Variants in TFEC observed in about 807,000 individuals in gnomAD.
TFEC encodes class E basic helix-loop-helix protein 34.
Under a neutral mutation model 41.6 loss-of-function variants are expected in TFEC, and 31 were observed. The observed-to-expected ratio is 0.74, with a 90% confidence interval of 0.56 to 1.01. TFEC has a LOEUF of 1.01. Among genes scored for constraint, TFEC ranks in the 50% least tolerant of loss-of-function variants. The pLI, the probability that TFEC is intolerant of heterozygous loss-of-function variation, is 0.00. For synonymous variants in TFEC, 143 were observed against 140.6 expected (o/e 1.02, Z -0.12); for missense variants, 402 against 404.1 (o/e 0.99, Z 0.04).
At chr7:116,047,963 G>T (rs746936176) in intron 3 of TFEC, among the ~76,000 whole-genome samples, 1 of 152,118 alleles carries the variant, frequency 6.6e-6, no homozygotes, top group East Asian at 1.9e-4. Flanking sequence ...AAGGACATCC[G>T]CACCAAAACC....
chr7:116,081,013 G>A (rs968114809), intron 3 of TFEC, among the ~76,000 whole-genome samples: 3 of 148,996 alleles, frequency 2.0e-5, no homozygotes, highest in African/African-American at 7.4e-5. Context: ...GTGTGTGTGT[G>A]TGTATAAATA....
At chr7:116,128,374 C>T (rs1185065346) in intron 1 of TFEC, among the ~76,000 whole-genome samples, 1 of 152,088 alleles carries the variant, frequency 6.6e-6, no homozygotes, top group Non-Finnish European at 1.5e-5. Flanking sequence ...TAAGCTGACA[C>T]TCCACGGTGA....
At chr7:116,062,737 A>C (rs759942673) in intron 3 of TFEC, among the ~76,000 whole-genome samples, 2 of 151,618 alleles carry the variant, frequency 1.3e-5, no homozygotes, top group Non-Finnish European at 3.0e-5. Flanking sequence ...GTAGACACCT[A>C]ATAGTGGGAT....
chr7:116,056,987 G>A (rs978433855), intron 3 of TFEC, among the ~76,000 whole-genome samples: 1 of 151,942 alleles, frequency 6.6e-6, no homozygotes, highest in African/African-American at 2.4e-5. Flanking sequence ...GACTCAAATT[G>A]AACTTCTAAA....
At chr7:116,044,933 G>A (rs1055839238) in intron 3 of TFEC, among the ~76,000 whole-genome samples, 1 of 152,194 alleles carries the variant, frequency 6.6e-6, no homozygotes, top group Non-Finnish European at 1.5e-5. Context: ...GTTACGTAAG[G>A]AATGATGTGG....
At chr7:115,966,391 G>C (rs1019060795) in intron 3 of TFEC, among the ~76,000 whole-genome samples, 1 of 151,728 alleles carries the variant, frequency 6.6e-6, no homozygotes, top group Non-Finnish European at 1.5e-5. Context: ...TAAAATACAA[G>C]CATGATCCTA....
chr7:115,971,871 T>A (rs1006454653), intron 3 of TFEC, among the ~76,000 whole-genome samples: 1 of 152,064 alleles, frequency 6.6e-6, no homozygotes, highest in Non-Finnish European at 1.5e-5. Context: ...GATGCCCACA[T>A]ACAATATTAC....
At chr7:115,966,322 A>G (rs1166914287) in intron 3 of TFEC, among the ~76,000 whole-genome samples, 4 of 151,732 alleles carry the variant, frequency 2.6e-5, no homozygotes, top group African/African-American at 7.2e-5. Flanking sequence ...GTGAGGGGGA[A>G]GAATGTTACT....
intron 1 of TFEC, among the ~76,000 whole-genome samples, chr7:116,028,079 A>G (rs1242331593): frequency 6.6e-6 from 1 of 152,132 alleles, no homozygotes; most frequent in African/African-American, 2.4e-5. Flanking sequence ...GAGATTCTAC[A>G]TCTCTATCTT....
At chr7:115,973,156 A>G (rs1490179871) in intron 3 of TFEC, among the ~76,000 whole-genome samples, 1 of 152,038 alleles carries the variant, frequency 6.6e-6, no homozygotes, top group Non-Finnish European at 1.5e-5. Flanking sequence ...TAGCAGGTAG[A>G]GTTAGTACTG....
intron 1 of TFEC, among the ~76,000 whole-genome samples, chr7:115,998,942 TAAAG>T (rs1794478558): frequency 6.6e-6 from 1 of 151,852 alleles, no homozygotes; most frequent in African/African-American, 2.4e-5. Flanking sequence ...AGAAAATCAA[TAAAG>T]AAACATCAGA....
chr7:116,063,719 T>G (rs1229122045), intron 3 of TFEC, among the ~76,000 whole-genome samples: 2 of 152,194 alleles, frequency 1.3e-5, no homozygotes, highest in Non-Finnish European at 2.9e-5. Flanking sequence ...ATTATTGAAA[T>G]ATATTCTTTA....
intron 2 of TFEC, among the ~76,000 whole-genome samples, chr7:115,980,177 G>C (rs1294184863): frequency 2.0e-5 from 3 of 152,074 alleles, no homozygotes; most frequent in African/African-American, 7.2e-5. Context: ...ACACAGTTTT[G>C]ACTAAGTCAT....
At chr7:116,042,447 C>T (rs1285743365) in intron 3 of TFEC, among the ~76,000 whole-genome samples, 3 of 152,060 alleles carry the variant, frequency 2.0e-5, no homozygotes, top group Non-Finnish European at 4.4e-5. Context: ...AGTTGTTGAG[C>T]TAATGTTATT....
intron 1 of TFEC, among the ~76,000 whole-genome samples, chr7:116,158,038 A>C (rs1009388254): frequency 2.0e-5 from 3 of 152,120 alleles, no homozygotes; most frequent in African/African-American, 7.2e-5. Context: ...CTTATTTGTA[A>C]AATTAGGAAA....
intron 3 of TFEC, among the ~76,000 whole-genome samples, chr7:116,067,804 A>G (rs1372059093): frequency 6.6e-6 from 1 of 151,942 alleles, no homozygotes; most frequent in Non-Finnish European, 1.5e-5. Context: ...TCTTCGGCCT[A>G]ATAATGTGTT....
chr7:116,120,934 C>T (rs1365989094), intron 1 of TFEC, among the ~76,000 whole-genome samples: 2 of 151,904 alleles, frequency 1.3e-5, no homozygotes, highest in Non-Finnish European at 2.9e-5. Flanking sequence ...CTATAAAAAA[C>T]CCTACCTAAT....
At chr7:116,125,046 C>T (rs1042889925) in intron 1 of TFEC, among the ~76,000 whole-genome samples, 2 of 152,018 alleles carry the variant, frequency 1.3e-5, no homozygotes, top group African/African-American at 2.4e-5. Context: ...TACTGAAGGC[C>T]CACAATTAGA....
chr7:116,006,355 C>T (rs1278841185), intron 1 of TFEC, among the ~76,000 whole-genome samples: 1 of 152,118 alleles, frequency 6.6e-6, no homozygotes, highest in African/African-American at 2.4e-5. Context: ...GTGGAGCTGC[C>T]CAAGACCATG....
Sources: allele counts gnomAD v4.1 joint callset (sites outside exome capture counted in the v4.1 genomes callset), GRCh38; gene constraint gnomAD v4.1.1; transcripts MANE v1.5; gene names NCBI Gene and HGNC (gene_info 2026-07-23, HGNC 2026-07-21).